GALNT17: variants seen among roughly 807,000 people sequenced by gnomAD.
The protein encoded by GALNT17 is polypeptide N-acetylgalactosaminyltransferase 17.
A neutral mutation model predicts 63.7 loss-of-function variants in GALNT17; 29 were observed. The ratio of observed to expected loss-of-function variants is 0.46; its 90% CI spans 0.34 to 0.62. The LOEUF (loss-of-function observed/expected upper bound fraction) is 0.62. Ranked by LOEUF, GALNT17 falls within the 20% of genes least tolerant of loss-of-function variation. GALNT17 has a pLI of 0.01. For missense variants in GALNT17, 603 were observed against 799.6 expected, an observed-to-expected ratio of 0.75 and a Z score of 2.97; for synonymous variants, 305 against 318.3, an observed-to-expected ratio of 0.96 and a Z score of 0.45.
At chr7:71,139,715 G>A (rs1239771320) in intron 1 of GALNT17, among the ~76,000 whole-genome samples, 1 of 152,070 alleles carries the variant, frequency 6.6e-6, no homozygotes, top group African/African-American at 2.4e-5. Flanking sequence ...AATGGTGGCC[G>A]GGCACGGTGG....
At chr7:71,593,053 G>A (rs1789833037) in intron 6 of GALNT17, among the ~76,000 whole-genome samples, 1 of 152,056 alleles carries the variant, frequency 6.6e-6, no homozygotes, top group Non-Finnish European at 1.5e-5. Flanking sequence ...GGAGGCTGAA[G>A]TGGGAGGATT....
At chr7:71,214,601 G>C (rs1032830748) in intron 1 of GALNT17, among the ~76,000 whole-genome samples, 1 of 139,670 alleles carries the variant, frequency 7.2e-6, no homozygotes, top group Non-Finnish European at 1.5e-5. Context: ...TTTTGACATG[G>C]TGTCTCACTC....
intron 1 of GALNT17, among the ~76,000 whole-genome samples, chr7:71,259,935 C>T (rs1244363428): frequency 6.6e-6 from 1 of 152,070 alleles, no homozygotes; most frequent in African/African-American, 2.4e-5. Context: ...GCCACCGCAC[C>T]CAGCCTCTTG....
intron 5 of GALNT17, among the ~76,000 whole-genome samples, chr7:71,527,038 T>C (rs11768285): frequency 0.6 from 90,827 of 152,076 alleles, 28,563 homozygotes; most frequent in Non-Finnish European, 0.72. Context: ...TTGAATTCTT[T>C]TTTAGAATTT....
chr7:71,217,323 C>A (rs1285013746), intron 1 of GALNT17, among the ~76,000 whole-genome samples: 1 of 151,508 alleles, frequency 6.6e-6, no homozygotes, highest in Non-Finnish European at 1.5e-5. Context: ...CTTCAATTTT[C>A]ATTTGCGGGT....
chr7:71,650,842 C>T (rs1790743711), intron 6 of GALNT17, among the ~76,000 whole-genome samples: 2 of 152,140 alleles, frequency 1.3e-5, no homozygotes, highest in African/African-American at 2.4e-5. Flanking sequence ...TCAATACTTT[C>T]CTGGCATTCT....
At chr7:71,363,573 C>T (rs940753552) in intron 2 of GALNT17, among the ~76,000 whole-genome samples, 4 of 152,222 alleles carry the variant, frequency 2.6e-5, no homozygotes, top group African/African-American at 9.6e-5. Context: ...CTGCTCCATT[C>T]TCTGATTTCT....
rs563016251 is a variant in GALNT17 at position 71,309,911 on chromosome 7, C to T, written c.239-25639C>T. On this transcript the variant is annotated intron_variant, in intron 1 of 10. Coordinates refer to ENST00000333538, the MANE Select transcript of GALNT17 (RefSeq NM_022479.3). ...ACCCAGATCTCATCTTGAATTCCCA[C>T]GTGTTGTGGGAGGGACTTGGTGGGA... Among the ~76,000 whole-genome samples, 7 of 152,256 alleles carry T rather than the reference C, an allele frequency of 4.6e-5. No individual in the cohort carries two copies. The East Asian group carries it at 5.8e-4, about 13-fold the overall frequency.
At position 71,565,845 on chromosome 7, in the gene GALNT17, C is replaced by CT. The variant is rs71738437; in HGVS notation, c.963-5424dup. ...TGCATTTTTTTTTCTCTTCTCTTTT[C>CT]TTTTTTTTTTTTTTTTGAAACGGAG... On this transcript the variant is annotated intron_variant, in intron 5 of 10. Coordinates refer to ENST00000333538, the MANE Select transcript of GALNT17 (RefSeq NM_022479.3). Among the ~76,000 whole-genome samples, 1,019 of 127,812 alleles carry CT rather than the reference C, an allele frequency of 8.0e-3. 8 individuals carry two copies. Among genetic ancestry groups the CT allele is most frequent in the African/African-American group, 0.022 (724 of 32,990 alleles). 83.8% of individuals were successfully genotyped at this position (127,812 alleles called of 152,430 possible).
At position 71,404,832 on chromosome 7, in the gene GALNT17, G is replaced by A. The variant is rs112677187; in HGVS notation, c.590-11057G>A. Reference sequence around the variant, plus strand: ...ATCAGCCCTTAGGCCTCTTCTCTGCGGAGCACTGACCATAGTCAGCAGAAG... The same window carrying A: ...ATCAGCCCTTAGGCCTCTTCTCTGCAGAGCACTGACCATAGTCAGCAGAAG... On this transcript the variant is annotated intron_variant, in intron 3 of 10. Transcript: ENST00000333538. Among the ~76,000 whole-genome samples the A allele has an allele frequency of 6.6e-5, 10 of 152,170 alleles. No individual in the cohort carries two copies. In the East Asian group the frequency reaches 7.7e-4, roughly 12 times the overall value.
intron 2 of GALNT17, among the ~76,000 whole-genome samples, chr7:71,372,416 C>T (rs1244383043): frequency 6.6e-6 from 1 of 152,188 alleles, no homozygotes; most frequent in Non-Finnish European, 1.5e-5. Context: ...CCACCTGCCT[C>T]AGTCTCCCAA....
chr7:71,146,108 G>A (rs553068410), intron 1 of GALNT17, among the ~76,000 whole-genome samples: 3 of 152,194 alleles, frequency 2.0e-5, no homozygotes, highest in East Asian at 1.9e-4. Flanking sequence ...GGGATCCTTC[G>A]GGAGGCGGTG....
At chr7:71,678,927 A>G (rs1791193057) in intron 9 of GALNT17, among the ~76,000 whole-genome samples, 1 of 146,412 alleles carries the variant, frequency 6.8e-6, no homozygotes, top group Non-Finnish European at 1.5e-5. Context: ...ACCGCACTAG[A>G]GCCTGGGCGA....
intron 5 of GALNT17, among the ~76,000 whole-genome samples, chr7:71,429,769 C>T (rs1316733947): frequency 1.3e-5 from 2 of 152,156 alleles, no homozygotes; most frequent in East Asian, 3.9e-4. Flanking sequence ...TGCAGTGGCA[C>T]CATCTCAGCT....
intron 1 of GALNT17, among the ~76,000 whole-genome samples, chr7:71,183,453 G>T (rs572754853): frequency 6.6e-6 from 1 of 152,078 alleles, no homozygotes; most frequent in African/African-American, 2.4e-5. Flanking sequence ...CTTCCTGGGG[G>T]TATTGAATTC....
Position 71,156,782 on chromosome 7 carries a change from C to T in GALNT17, c.238+23742C>T, listed in dbSNP as rs142162564. 9.3e-4 allele frequency among the ~76,000 whole-genome samples: 140 copies of T among 150,988 alleles called. 1 individual carries two copies. Among genetic ancestry groups the T allele is most frequent in the African/African-American group, 3.1e-3 (127 of 40,794 alleles). ...CTCACTGCCCAGGAGTGCAGTGGTG[C>T]AATCATAGCTCACTGCAGACTCCAA... is the stretch of plus-strand genomic sequence containing the variant. On this transcript the variant is annotated intron_variant, in intron 1 of 10. Coordinates refer to ENST00000333538, the MANE Select transcript of GALNT17 (RefSeq NM_022479.3).
intron 1 of GALNT17, among the ~76,000 whole-genome samples, chr7:71,134,241 G>A (rs60149264): frequency 0.064 from 9,706 of 152,296 alleles, 350 homozygotes; most frequent in East Asian, 0.11. Context: ...GAGCCTGTGC[G>A]CTTGACCTCT....
intron 1 of GALNT17, among the ~76,000 whole-genome samples, chr7:71,222,725 T>C (rs1789610171): frequency 6.6e-6 from 1 of 152,214 alleles, no homozygotes; most frequent in Non-Finnish European, 1.5e-5. Context: ...TGTGTCCTTC[T>C]AAGTGCATCA....
At chr7:71,677,057 G>A (rs966523008) in intron 8 of GALNT17, among the ~76,000 whole-genome samples, 154 bp from the exon 9 acceptor site, 1 of 152,118 alleles carries the variant, frequency 6.6e-6, no homozygotes, top group Admixed American at 6.6e-5. Flanking sequence ...TTGTTAAGGT[G>A]ATCACCGCAA....
Sources: gnomAD v4.1 joint callset for allele counts (sites outside exome capture counted in the v4.1 genomes callset) on GRCh38, gnomAD v4.1.1 for gene constraint, MANE v1.5 for transcripts, NCBI Gene and HGNC (gene_info 2026-07-23, HGNC 2026-07-21) for gene names.